Variants in PCSK2 observed in about 807,000 individuals in gnomAD.
PCSK2 encodes the protein proprotein convertase subtilisin/kexin type 2.
A neutral mutation model predicts 69.7 loss-of-function variants in PCSK2; 14 were observed. The observed-to-expected ratio is 0.20, with a 90% CI of 0.13 to 0.31. The LOEUF (loss-of-function observed/expected upper bound fraction) is 0.31. Among genes scored for constraint, PCSK2 ranks in the 10% least tolerant of loss-of-function variants. PCSK2 has a pLI of 1.00. For synonymous variants in PCSK2, 307 were observed against 320.7 expected (o/e 0.96, Z 0.46); for missense variants, 544 against 842.5 (o/e 0.65, Z 4.39).
chr20:17,366,811 T>C (rs1462881717), intron 4 of PCSK2, among the ~76,000 whole-genome samples: 1 of 152,190 alleles, frequency 6.6e-6, no homozygotes, highest in Non-Finnish European at 1.5e-5. Flanking sequence ...TTTATTTTAA[T>C]TAGGCTAAAT....
At chr20:17,268,937 T>C (rs1987747276) in intron 2 of PCSK2, among the ~76,000 whole-genome samples, 1 of 152,124 alleles carries the variant, frequency 6.6e-6, no homozygotes, top group African/African-American at 2.4e-5. Flanking sequence ...CATTTGCTGA[T>C]GGATTAGATG....
At chr20:17,380,178 T>A (rs1268406158) in intron 5 of PCSK2, among the ~76,000 whole-genome samples, 1 of 152,256 alleles carries the variant, frequency 6.6e-6, no homozygotes, top group Non-Finnish European at 1.5e-5. Flanking sequence ...CCACTATGTT[T>A]GTAATAATTT....
chr20:17,435,177 C>G (rs2032458688), intron 7 of PCSK2, among the ~76,000 whole-genome samples: 1 of 152,118 alleles, frequency 6.6e-6, no homozygotes, highest in Admixed American at 6.5e-5. Context: ...TCTTCTGGAC[C>G]TGTTATTTGT....
At chr20:17,261,701 C>A (rs1427137005) in intron 2 of PCSK2, among the ~76,000 whole-genome samples, 1 of 152,192 alleles carries the variant, frequency 6.6e-6, no homozygotes, top group Non-Finnish European at 1.5e-5. Flanking sequence ...TACCCTTGGG[C>A]AGTCATATGG....
At chr20:17,297,147 A>G (rs1988921515) in intron 2 of PCSK2, among the ~76,000 whole-genome samples, 1 of 152,238 alleles carries the variant, frequency 6.6e-6, no homozygotes, top group Non-Finnish European at 1.5e-5. Flanking sequence ...GCCAAGTTCA[A>G]AGTCAAAAAA....
At chr20:17,443,283 G>A (rs562967438) in intron 8 of PCSK2, among the ~76,000 whole-genome samples, 4 of 152,302 alleles carry the variant, frequency 2.6e-5, no homozygotes, top group African/African-American at 7.2e-5. Context: ...AGCAACAGGA[G>A]CCTGACATTT....
intron 6 of PCSK2, among the ~76,000 whole-genome samples, chr20:17,422,431 G>C (rs1248656211): frequency 1.3e-5 from 2 of 152,070 alleles, no homozygotes; most frequent in African/African-American, 2.4e-5. Context: ...TAAATAAATA[G>C]AGTGGCATAC....
At chr20:17,455,146 A>G (rs1410134411) in intron 9 of PCSK2, among the ~76,000 whole-genome samples, 3 of 152,042 alleles carry the variant, frequency 2.0e-5, no homozygotes, top group Non-Finnish European at 4.4e-5. Context: ...AAGACCTCTC[A>G]GTGGTGTAAA....
chr20:17,377,093 G>A (rs2030949051), intron 5 of PCSK2, among the ~76,000 whole-genome samples: 1 of 152,166 alleles, frequency 6.6e-6, no homozygotes, highest in Non-Finnish European at 1.5e-5. Flanking sequence ...GAGAGAATAC[G>A]ATTCGAGAGG....
At chr20:17,440,424 C>G (rs2032571933) in intron 8 of PCSK2, among the ~76,000 whole-genome samples, 1 of 152,274 alleles carries the variant, frequency 6.6e-6, no homozygotes, top group Non-Finnish European at 1.5e-5. Flanking sequence ...TGACACATTT[C>G]CAGAAAGGAA....
At chr20:17,291,235 C>T (rs1057348086) in intron 2 of PCSK2, among the ~76,000 whole-genome samples, 31 of 152,004 alleles carry the variant, frequency 2.0e-4, no homozygotes, top group African/African-American at 7.2e-4. Flanking sequence ...CCTTCTTGAG[C>T]CTCTTTTATG....
At chr20:17,230,404 C>T (rs1222251355) in intron 1 of PCSK2, among the ~76,000 whole-genome samples, 3 of 152,130 alleles carry the variant, frequency 2.0e-5, no homozygotes, top group East Asian at 3.8e-4. Flanking sequence ...AGATGAAAAC[C>T]TTAAGGCCTT....
intron 2 of PCSK2, among the ~76,000 whole-genome samples, chr20:17,347,900 G>T: frequency 4.4e-5 from 1 of 22,684 alleles, no homozygotes; most frequent in East Asian, 9.0e-4. Context: ...AAGAAAGAAA[G>T]AAAGAAAGAA....
At chr20:17,341,827 A>C (rs1990517876) in intron 2 of PCSK2, among the ~76,000 whole-genome samples, 1 of 150,528 alleles carries the variant, frequency 6.6e-6, no homozygotes, top group South Asian at 2.1e-4. Context: ...ACTTGTTTAC[A>C]GAAAAATCTA....
chr20:17,228,850 T>G (rs1264164460), intron 1 of PCSK2, among the ~76,000 whole-genome samples: 1 of 152,106 alleles, frequency 6.6e-6, no homozygotes, highest in Non-Finnish European at 1.5e-5. Context: ...AGGCTCTGGG[T>G]CCGCCGGTGG....
chr20:17,429,349 TG>T, intron 6 of PCSK2, 85 bp from the exon 7 acceptor site: 1 of 927,660 alleles, frequency 1.1e-6, no homozygotes, highest in Non-Finnish European at 1.8e-6. Context: ...ATTTCATTTT[TG>T]TTCCAAAGAG....
intron 2 of PCSK2, among the ~76,000 whole-genome samples, chr20:17,306,130 A>G (rs1989319465): frequency 6.6e-6 from 1 of 152,208 alleles, no homozygotes; most frequent in Non-Finnish European, 1.5e-5. Context: ...GGACAATACA[A>G]TCTTATCTCC....
intron 1 of PCSK2, among the ~76,000 whole-genome samples, chr20:17,228,864 G>C (rs1482109257): frequency 4.6e-5 from 7 of 152,166 alleles, no homozygotes; most frequent in Admixed American, 4.6e-4. Flanking sequence ...CCGGTGGCGC[G>C]CGGGCGGGTC....
intron 2 of PCSK2, among the ~76,000 whole-genome samples, chr20:17,285,868 G>A (rs1435970114): frequency 1.3e-5 from 2 of 152,290 alleles, no homozygotes; most frequent in African/African-American, 4.8e-5. Flanking sequence ...AGTACTAATG[G>A]CAGTACTAGT....
Sources: gnomAD v4.1 joint callset for allele counts (sites outside exome capture counted in the v4.1 genomes callset) on GRCh38, gnomAD v4.1.1 for gene constraint, MANE v1.5 for transcripts, NCBI Gene and HGNC (gene_info 2026-07-23, HGNC 2026-07-21) for gene names.